Variants in N4BP1 observed in about 807,000 individuals in gnomAD.
N4BP1 encodes the protein NEDD4-binding protein 1.
Under a neutral mutation model 70.9 loss-of-function variants are expected in N4BP1, and 21 were observed. The ratio of observed to expected loss-of-function variants is 0.30; its 90% CI spans 0.21 to 0.43. The LOEUF is 0.43. Among genes scored for constraint, N4BP1 ranks in the 20% least tolerant of loss-of-function variants. The probability of loss-of-function intolerance (pLI) is 1.00; values close to 1 mark genes in which losing one functional copy is unlikely to be tolerated. For missense variants in N4BP1, 936 were observed against 1,069.4 expected (o/e 0.88, Z 1.74); for synonymous variants, 387 against 394.6 (o/e 0.98, Z 0.23).
intron 1 of N4BP1, among the ~76,000 whole-genome samples, chr16:48,574,905 G>A (rs111309903): frequency 1.1e-3 from 171 of 152,308 alleles, no homozygotes; most frequent in African/African-American, 3.1e-3. Flanking sequence ...AAGTGTGGAA[G>A]TACTGGCAAG....
chr16:48,597,959 T>A (rs1449095351), intron 1 of N4BP1, among the ~76,000 whole-genome samples: 1 of 152,184 alleles, frequency 6.6e-6, no homozygotes, highest in African/African-American at 2.4e-5. Context: ...TGGCTATACA[T>A]GATCCAGACA....
At chr16:48,567,573 C>A (rs894890199) in intron 1 of N4BP1, among the ~76,000 whole-genome samples, 4 of 152,198 alleles carry the variant, frequency 2.6e-5, no homozygotes, top group Non-Finnish European at 5.9e-5. Context: ...CCCACCTCAG[C>A]CTCCCAAAGT....
Position 48,610,141 on chromosome 16 carries a change from G to A in N4BP1, c.-169C>T, listed in dbSNP as rs1350131625. On this transcript the variant is annotated 5_prime_UTR_variant, in exon 1 of 7. Coordinates refer to ENST00000262384, the MANE Select transcript of N4BP1 (RefSeq NM_153029.4). The stretch of plus-strand genomic sequence containing the variant: ...AGGCCCGGCTATACCATCCCGCCAC[G>A]ACCGCAGCAGCTTGGCAATTGCTGG... The A allele has an allele frequency of 5.3e-6, 1 of 189,842 alleles. No individual in the cohort carries two copies. Among genetic ancestry groups the A allele is most frequent in the Non-Finnish European group, 9.8e-6 (1 of 101,732 alleles). The allele number at this position is 189,842 out of a possible 1,614,324, so 11.8% of individuals were successfully genotyped here. A position where few individuals can be genotyped will look rare whatever the true frequency, so the allele number is the denominator to read the frequency against.
chr16:48,590,376 T>C (rs1006085064), intron 1 of N4BP1, among the ~76,000 whole-genome samples: 2 of 152,174 alleles, frequency 1.3e-5, no homozygotes, highest in Non-Finnish European at 1.5e-5. Flanking sequence ...AATAAAACTC[T>C]AGTCTCCCAC....
At position 48,561,937 on chromosome 16, in the gene N4BP1, C is replaced by T; in HGVS notation, c.706G>A (p.Ala236Thr). ...ACAGGAGTCCCAGCTTTATTTCTTG[C>T]CTCTTCCTGCAAAACAGTTTCATCT... ...SRDETVLQEE[A>T]RNKAGTPVSE... The change falls in exon 2 of 7, where the codon GCA (alanine) becomes ACA (threonine). Residue 236 changes from alanine to threonine, a missense_variant. By Grantham distance (58) the Ala-to-Thr change is moderately conservative. Around this residue, in one of 4 missense-constraint regions of N4BP1, gnomAD observed 515 missense variants for 491.7 expected, o/e 1.05. Coordinates refer to ENST00000262384, the MANE Select transcript of N4BP1 (RefSeq NM_153029.4). 6.2e-7 allele frequency: 1 copy of T among 1,613,946 alleles called. No individual in the cohort carries two copies. Among genetic ancestry groups the T allele is most frequent in the Non-Finnish European group, 8.5e-7 (1 of 1,179,880 alleles).
At chr16:48,584,569 A>T (rs181229182) in intron 1 of N4BP1, among the ~76,000 whole-genome samples, 4 of 152,238 alleles carry the variant, frequency 2.6e-5, no homozygotes, top group Non-Finnish European at 4.4e-5. Flanking sequence ...ACATAATGAA[A>T]CTAAACATGT....
At chr16:48,609,513 C>T (rs993618951) in intron 1 of N4BP1, among the ~76,000 whole-genome samples, 2 of 152,220 alleles carry the variant, frequency 1.3e-5, no homozygotes, top group Non-Finnish European at 1.5e-5. Flanking sequence ...TACACATCCC[C>T]CACTTTCATC....
chr16:48,542,994 G>T lies in N4BP1; in HGVS notation c.2601C>A (p.Asp867Glu), dbSNP rs760653621. Residue 867 changes from aspartate to glutamate, a missense_variant, in exon 7 of 7, where the codon GAC (aspartate) becomes GAA (glutamate). This residue lies in a region of N4BP1 where 229 missense variants were observed against 343.5 expected (regional missense o/e 0.67). Transcript: ENST00000262384. The stretch of plus-strand genomic sequence containing the variant: ...GGTCTATTTTCAGTCTTTGCTCTGA[G>T]TCAGGGAAGATCTTCAGAAGGGCTT... Reference protein sequence around the residue: ...LREALLKIFPDSEQRLKIDQI... With the variant: ...LREALLKIFPESEQRLKIDQI... 1 of 1,614,058 alleles carries T rather than the reference G, an allele frequency of 6.2e-7. No homozygotes were observed. The highest frequency in any genetic ancestry group is 8.5e-7 in the Non-Finnish European group (1 of 1,179,900).
In N4BP1 at chr16:48,571,260, C is replaced by CAA. The variant is rs1215720658; in HGVS notation, c.199-8817_199-8816insTT. Among the ~76,000 whole-genome samples the CAA allele has an allele frequency of 5.9e-5, 9 of 152,260 alleles. No homozygotes were observed. The East Asian group carries it at 1.7e-3, about 29-fold the overall frequency. ...AAGTTGATCATATCTCCTCCGTGGG[C>CAA]CACCAGCAACAACCAGCCAAGCTGA... On this transcript the variant is annotated intron_variant, in intron 1 of 6. Transcript: ENST00000262384.
Position 48,560,833 on chromosome 16 carries a change from A to G in N4BP1, c.1810T>C (p.Tyr604His), listed in dbSNP as rs542809110. Residue 604 changes from tyrosine to histidine, a missense_variant, in exon 2 of 7, where the codon TAC (tyrosine) becomes CAC (histidine). By Grantham distance (83) the Tyr-to-His change is moderately conservative. Around this residue, in one of 4 missense-constraint regions of N4BP1, gnomAD observed 515 missense variants for 491.7 expected, o/e 1.05. Coordinates refer to ENST00000262384, the MANE Select transcript of N4BP1 (RefSeq NM_153029.4). ...QRFRDTLKIPYKLELKNEPGR... is the reference protein window; with the variant it reads ...QRFRDTLKIPHKLELKNEPGR... ...GGTTCATTTTTTAATTCCAGCTTGT[A>G]GGGTATTTTTAGAGTATCTCGAAAC... 3.1e-6 allele frequency: 5 copies of G among 1,613,902 alleles called. No homozygotes were observed. In the South Asian group the frequency reaches 5.5e-5, roughly 18 times the overall value.
chr16:48,607,353 CAG>C (rs1964598884), intron 1 of N4BP1, among the ~76,000 whole-genome samples: 4 of 152,178 alleles, frequency 2.6e-5, no homozygotes, highest in African/African-American at 9.7e-5. Context: ...ACAGCAAAGG[CAG>C]AGACTACTAC....
intron 1 of N4BP1, among the ~76,000 whole-genome samples, chr16:48,586,083 C>G (rs891871181): frequency 6.6e-6 from 1 of 152,172 alleles, no homozygotes; most frequent in African/African-American, 2.4e-5. Context: ...AAGACTTTGG[C>G]TAGACTGATA....
intron 1 of N4BP1, among the ~76,000 whole-genome samples, chr16:48,609,270 G>A (rs960837133): frequency 1.3e-5 from 2 of 152,126 alleles, no homozygotes; most frequent in Non-Finnish European, 2.9e-5. Context: ...TTCTCCGAGC[G>A]TTTTATTACT....
chr16:48,565,357 T>G (rs2096131752), intron 1 of N4BP1, among the ~76,000 whole-genome samples: 1 of 152,282 alleles, frequency 6.6e-6, no homozygotes, highest in Middle Eastern at 3.4e-3. Flanking sequence ...TGAATATGGA[T>G]GGGTGTTGAA....
rs145014288 is a variant in N4BP1, at chr16:48,539,355, G to C, written c.*3549C>G. 9.6e-4 allele frequency: 146 copies of C among 152,754 alleles called. 1 individual carries two copies. The highest frequency in any genetic ancestry group is 1.7e-3 in the Non-Finnish European group (117 of 68,404). The allele number at this position is 152,754 out of a possible 1,614,324, so 9.5% of individuals were successfully genotyped here. ...TAGCGGGCAGGGGCCAGCAAAGCAC[G>C]AGGGCAGAGCAGGGGACCATACGGA... On this transcript the variant is annotated 3_prime_UTR_variant, in exon 7 of 7. Coordinates refer to ENST00000262384, the MANE Select transcript of N4BP1 (RefSeq NM_153029.4).
intron 1 of N4BP1, among the ~76,000 whole-genome samples, chr16:48,576,285 A>G (rs1964092489): frequency 6.6e-6 from 1 of 152,090 alleles, no homozygotes; most frequent in Non-Finnish European, 1.5e-5. Context: ...TTTATTAGCC[A>G]TTTTCCCCCA....
intron 1 of N4BP1, among the ~76,000 whole-genome samples, chr16:48,608,604 G>C (rs1467541892): frequency 6.6e-6 from 1 of 152,094 alleles, no homozygotes; most frequent in African/African-American, 2.4e-5. Flanking sequence ...AAAACCTAGA[G>C]AAACTTGGTT....
intron 1 of N4BP1, among the ~76,000 whole-genome samples, chr16:48,584,423 C>A (rs367736328): frequency 1.3e-5 from 2 of 152,100 alleles, no homozygotes; most frequent in East Asian, 3.8e-4. Context: ...TCATTTTTCA[C>A]GGTATGAATG....
At chr16:48,595,974 G>C (rs1160735904) in intron 1 of N4BP1, among the ~76,000 whole-genome samples, 1 of 152,178 alleles carries the variant, frequency 6.6e-6, no homozygotes, top group Non-Finnish European at 1.5e-5. Flanking sequence ...AGTCTTAACT[G>C]AGGTTCCTTA....
Sources: gnomAD v4.1 joint callset for allele counts (sites outside exome capture counted in the v4.1 genomes callset) on GRCh38, gnomAD v4.1.1 for gene constraint, gnomAD v4.1.1 regional missense constraint, MANE v1.5 for transcripts, NCBI Gene and HGNC (gene_info 2026-07-23, HGNC 2026-07-21) for gene names.